The following SEC23B variants were observed in gnomAD, a reference collection of about 807,000 sequenced individuals.
SEC23B encodes the protein SEC23 homolog B, COPII component, also known as protein transport protein Sec23B.
In SEC23B, 77 loss-of-function variants were observed where a neutral mutation model predicts 104.3. That is an observed-to-expected ratio of 0.74 (90% confidence interval 0.61 to 0.89). The LOEUF is 0.89. Ranked by LOEUF, SEC23B falls within the 40% of genes least tolerant of loss-of-function variation. The probability of loss-of-function intolerance (pLI) is 0.00; values close to 1 mark genes in which losing one functional copy is unlikely to be tolerated. For missense variants in SEC23B, 885 were observed against 949.4 expected (o/e 0.93, Z 0.89); for synonymous variants, 338 against 332.5 (o/e 1.02, Z -0.18).
In SEC23B at chr20:18,542,887, C is replaced by T. The variant is rs556309553; in HGVS notation, c.1512-132C>T. 4 of 1,132,088 alleles carry T rather than the reference C, an allele frequency of 3.5e-6. No individual in the cohort carries two copies. In the African/African-American group the frequency reaches 6.1e-5, roughly 17 times the overall value. The allele number at this position is 1,132,088 out of a possible 1,614,324, so 70.1% of individuals were successfully genotyped here. ...CTTCTAGGCTCAAGCAGTCCTGCCA[C>T]CTTGCCCTCCCAAAGTGTTGGGATT... On this transcript the variant is annotated intron_variant, in intron 13 of 19. Coordinates refer to ENST00000650089, the MANE Select transcript of SEC23B (RefSeq NM_006363.6).
intron 11 of SEC23B, among the ~76,000 whole-genome samples, chr20:18,535,130 T>G (rs546971450): frequency 6.6e-6 from 1 of 152,296 alleles, no homozygotes; most frequent in East Asian, 1.9e-4. Flanking sequence ...CTTAAGAGTC[T>G]GACTTGATTG....
At chr20:18,551,957 T>A (rs1031299341) in intron 17 of SEC23B, among the ~76,000 whole-genome samples, 3 of 152,148 alleles carry the variant, frequency 2.0e-5, no homozygotes, top group African/African-American at 7.2e-5. Context: ...ACGCTGTGTC[T>A]GTGGATCCCT....
chr20:18,543,170 C>G lies in SEC23B; in HGVS notation c.1663C>G (p.Leu555Val). The G allele has an allele frequency of 6.2e-7, 1 of 1,614,186 alleles. No individual in the cohort carries two copies. The stretch of plus-strand genomic sequence containing the variant: ...GTGGCTGGACCGACAACTCATCCGA[C>G]TGGTAAATTGGGGACAGTGGCATTA... ...LRWLDRQLIR[L>V]CQKFGQYNKE... Residue 555 changes from leucine to valine, a missense_variant and splice_region_variant, in exon 14 of 20, where the codon CTG becomes GTG. Transcript: ENST00000650089.
chr20:18,520,841 C>T (rs1056315385), intron 4 of SEC23B, among the ~76,000 whole-genome samples: 2 of 151,806 alleles, frequency 1.3e-5, no homozygotes, highest in African/African-American at 4.8e-5. Flanking sequence ...GCTTCTGAGG[C>T]GATCAGGCAG....
chr20:18,515,379 T>C (rs1031367415), intron 3 of SEC23B, among the ~76,000 whole-genome samples: 3 of 152,132 alleles, frequency 2.0e-5, no homozygotes, highest in African/African-American at 7.2e-5. Flanking sequence ...GGCGCAATCA[T>C]GGCTCACTGC....
In SEC23B at chr20:18,526,366, A is replaced by G. The variant is rs184484121; in HGVS notation, c.835-7A>G. ...TACTTCTAACATGCTGCCATTCGCT[A>G]TTTTAGGGCACTTTTCCAAACACAG... On this transcript the variant is annotated splice_polypyrimidine_tract_variant and splice_region_variant and intron_variant, in intron 7 of 19. Coordinates refer to ENST00000650089, the MANE Select transcript of SEC23B (RefSeq NM_006363.6). The G allele has an allele frequency of 4.0e-3, 6,424 of 1,614,022 alleles. 28 individuals carry two copies. The highest frequency in any genetic ancestry group is 4.6e-3 in the Non-Finnish European group (5,416 of 1,179,916).
intron 17 of SEC23B, 34 bp from the exon 18 acceptor site, chr20:18,554,201 C>G: frequency 6.2e-7 from 1 of 1,613,568 alleles, no homozygotes; most frequent in Non-Finnish European, 8.5e-7. Flanking sequence ...ATTACAGTTT[C>G]CACAATAGTT....
At chr20:18,517,688 C>T (rs951130425) in intron 4 of SEC23B, among the ~76,000 whole-genome samples, 3 of 152,030 alleles carry the variant, frequency 2.0e-5, no homozygotes, top group Non-Finnish European at 4.4e-5. Flanking sequence ...TTAGGGGCAG[C>T]GTGGGAACCT....
In SEC23B at chr20:18,524,635, G is replaced by C; in HGVS notation, c.569G>C (p.Arg190Pro). Reference protein sequence around the residue: ...CEGISKSYVFRGTKDLTAKQI... With the variant: ...CEGISKSYVFPGTKDLTAKQI... ...GGAATCTCCAAAAGTTATGTCTTCC[G>C]AGGGACCAAGGATTTAACTGCAAAG... is the stretch of plus-strand genomic sequence containing the variant. Residue 190 changes from arginine (R) to proline (P), a missense_variant, in exon 5 of 20, where the codon CGA (arginine) becomes CCA (proline). Coordinates refer to ENST00000650089, the MANE Select transcript of SEC23B (RefSeq NM_006363.6). The C allele has an allele frequency of 6.2e-7, 1 of 1,614,108 alleles. No individual in the cohort carries two copies. The highest frequency in any genetic ancestry group is 8.5e-7 in the Non-Finnish European group (1 of 1,179,986).
intron 19 of SEC23B, among the ~76,000 whole-genome samples, chr20:18,555,759 C>T (rs1037756906): frequency 2.0e-5 from 3 of 151,880 alleles, no homozygotes; most frequent in African/African-American, 7.3e-5. Flanking sequence ...CCCATTTTCC[C>T]TTAGTGTTAA....
intron 4 of SEC23B, among the ~76,000 whole-genome samples, chr20:18,517,175 A>G (rs2060037133): frequency 6.6e-6 from 1 of 152,220 alleles, no homozygotes; most frequent in South Asian, 2.1e-4. Context: ...GTGAGCAACA[A>G]GGCTCTTGAT....
rs57231166 is a variant in SEC23B at position 18,518,582 on chromosome 20, G to GTTTTTTTTTTTTTTTTTTTTT, written c.366+2849_366+2869dup. Among the ~76,000 whole-genome samples, 3 of 92,664 alleles carry GTTTTTTTTTTTTTTTTTTTTT rather than the reference G, an allele frequency of 3.2e-5. 1 individual carries two copies. The highest frequency in any genetic ancestry group is 5.9e-5 in the Non-Finnish European group (3 of 50,910). The allele number at this position is 92,664 out of a possible 152,430, so 60.8% of individuals were successfully genotyped here. A position where few individuals can be genotyped will look rare whatever the true frequency, so the allele number is the denominator to read the frequency against. ...AATGGGCCTGTGAGGCTGGAAGGAG[G>GTTTTTTTTTTTTTTTTTTTTT]TTTTTTTTTTTTTTTTTTTTTTTGT... On this transcript the variant is annotated intron_variant, in intron 4 of 19. Transcript: ENST00000650089.
rs2060127727 is a variant in SEC23B at position 18,525,734 on chromosome 20, A to T, written c.690-54A>T. On this transcript the variant is annotated intron_variant, in intron 6 of 19. Transcript: ENST00000650089. ...AGTAATTATGTGGCACCTAGTGTTG[A>T]AGACCAGAGTACTTTATTCAATCTG... The T allele has an allele frequency of 8.2e-6, 13 of 1,595,036 alleles. No individual in the cohort carries two copies. The South Asian group carries it at 1.4e-4, about 18-fold the overall frequency.
rs915388560 is a variant in SEC23B, at chr20:18,546,916, T to G, written c.1743+883T>G. ...AAGTGGTTTGCAGTTTTTTTTTTTT[T>G]TTTTTTTTTTTTTAAAGCCATGGAA... On this transcript the variant is annotated intron_variant, in intron 15 of 19. Coordinates refer to ENST00000650089, the MANE Select transcript of SEC23B (RefSeq NM_006363.6). Among the ~76,000 whole-genome samples the G allele has an allele frequency of 6.2e-3, 930 of 150,500 alleles. 15 individuals are homozygous for G. The highest frequency in any genetic ancestry group is 0.021 in the African/African-American group (840 of 40,908).
At chr20:18,511,784 G>A (rs1262279870) in intron 2 of SEC23B, among the ~76,000 whole-genome samples, 3 of 152,104 alleles carry the variant, frequency 2.0e-5, no homozygotes, top group Non-Finnish European at 4.4e-5. Context: ...TCTTAAAATG[G>A]GCTAAGTCAG....
At chr20:18,523,571 T>C (rs2060106229) in intron 4 of SEC23B, among the ~76,000 whole-genome samples, 2 of 151,738 alleles carry the variant, frequency 1.3e-5, no homozygotes, top group African/African-American at 4.8e-5. Flanking sequence ...CCTGGCTAAT[T>C]TTTGTATTTT....
intron 8 of SEC23B, among the ~76,000 whole-genome samples, chr20:18,526,939 G>A: frequency 6.6e-6 from 1 of 152,176 alleles, no homozygotes; most frequent in Non-Finnish European, 1.5e-5. Flanking sequence ...ATTTAAGCCA[G>A]GAGTGGTGAC....
intron 12 of SEC23B, among the ~76,000 whole-genome samples, chr20:18,536,609 G>A (rs530895748): frequency 3.3e-5 from 5 of 151,650 alleles, no homozygotes; most frequent in South Asian, 2.1e-4. Context: ...GGAGAATGGC[G>A]TGAACCCAGG....
chr20:18,515,961 C>T (rs529688644), intron 4 of SEC23B: 3 of 519,432 alleles, frequency 5.8e-6, no homozygotes, highest in African/African-American at 3.8e-5. Flanking sequence ...CAAACCTGTT[C>T]TCTGTAGCCT....
Sources: gnomAD v4.1 joint callset for allele counts (sites outside exome capture counted in the v4.1 genomes callset) on GRCh38, gnomAD v4.1.1 for gene constraint, MANE v1.5 for transcripts, NCBI Gene and HGNC (gene_info 2026-07-23, HGNC 2026-07-21) for gene names.